Variants in ANK3 observed in about 807,000 individuals in gnomAD.
ANK3 encodes ankyrin 3, also known as ankyrin-3.
Under a neutral mutation model 370.9 loss-of-function variants are expected in ANK3, and 57 were observed. That is an observed-to-expected ratio of 0.15 (90% CI 0.12 to 0.19). The LOEUF (loss-of-function observed/expected upper bound fraction) is 0.19. Ranked by LOEUF, ANK3 falls within the 10% of genes least tolerant of loss-of-function variation. The pLI is 1.00. For missense variants in ANK3, 4,439 were observed against 5,302.1 expected (o/e 0.84, Z 5.06); for synonymous variants, 1,929 against 1,946.3 (o/e 0.99, Z 0.23).
intron 2 of ANK3, among the ~76,000 whole-genome samples, chr10:60,424,168 C>G (rs2063832247): frequency 6.6e-6 from 1 of 151,806 alleles, no homozygotes; most frequent in Admixed American, 6.6e-5. Context: ...TTAGGGTGAC[C>G]ACACATCCTG....
intron 2 of ANK3, among the ~76,000 whole-genome samples, chr10:60,475,424 C>T (rs1443058289): frequency 6.6e-6 from 1 of 152,088 alleles, no homozygotes; most frequent in Non-Finnish European, 1.5e-5. Context: ...TAAATTTTGG[C>T]TTCTGTTTGT....
At chr10:60,237,745 C>T (rs1046308249) in intron 7 of ANK3, among the ~76,000 whole-genome samples, 52 of 152,264 alleles carry the variant, frequency 3.4e-4, no homozygotes, top group African/African-American at 1.2e-3. Context: ...CTCCACCTCT[C>T]TGGCCCTTCC....
intron 4 of ANK3, among the ~76,000 whole-genome samples, chr10:60,277,190 G>T (rs74413857): frequency 0.048 from 7,348 of 152,166 alleles, 601 homozygotes; most frequent in African/African-American, 0.16. Context: ...TAGTAAGCAG[G>T]GGAGGAAGTC....
chr10:60,551,107 T>C (rs1426558322), intron 2 of ANK3, among the ~76,000 whole-genome samples: 1 of 152,136 alleles, frequency 6.6e-6, no homozygotes, highest in Non-Finnish European at 1.5e-5. Context: ...GTGCCTGGTT[T>C]GGATTTTTTG....
chr10:60,648,183 C>T (rs1359265687), intron 1 of ANK3, among the ~76,000 whole-genome samples: 1 of 111,726 alleles, frequency 9.0e-6, no homozygotes, highest in Non-Finnish European at 1.7e-5. Flanking sequence ...GATGGAGTCT[C>T]GCACTGTCTC....
In ANK3 at chr10:60,042,755, C is replaced by T. The variant is rs867217601; in HGVS notation, c.13070G>A (p.Gly4357Glu). The T allele has an allele frequency of 6.2e-7, 1 of 1,613,098 alleles. No individual in the cohort carries two copies. The highest frequency in any genetic ancestry group is 1.3e-5 in the African/African-American group (1 of 74,148). Reference sequence around the variant, plus strand: ...CTTCGTTTTCACCTTAAAACCTTCTCCCTGCTTTGAAAGGAGTGTACATAT... The same window carrying T: ...CTTCGTTTTCACCTTAAAACCTTCTTCCTGCTTTGAAAGGAGTGTACATAT... ...EGSSGSEQKQ[G>E]EGFKVKTKKE... is the part of the protein sequence containing the mutation. The change falls in exon 43 of 44, where the codon GGA becomes GAA. Residue 4357 changes from glycine to glutamate, a missense_variant. This residue lies in a region of ANK3 where 242 missense variants were observed against 228.0 expected (regional missense o/e 1.06). Transcript: ENST00000280772.
chr10:60,207,196 G>A (rs370082103), intron 10 of ANK3, among the ~76,000 whole-genome samples: 10 of 152,028 alleles, frequency 6.6e-5, no homozygotes, highest in Middle Eastern at 3.2e-3. Context: ...TTTCTCTTTC[G>A]TCATTCTTTC....
chr10:60,324,921 A>G (rs1210930064), intron 1 of ANK3, among the ~76,000 whole-genome samples: 1 of 152,190 alleles, frequency 6.6e-6, no homozygotes, highest in African/African-American at 2.4e-5. Flanking sequence ...CAGCCTCTAG[A>G]TTGAGGTGGA....
At chr10:60,056,140 G>A in intron 41 of ANK3, 104 bp from the exon 42 acceptor site, 1 of 1,333,888 alleles carries the variant, frequency 7.5e-7, no homozygotes, top group East Asian at 2.4e-5. Flanking sequence ...ACTTCTGAAG[G>A]CATAAAATAG....
intron 1 of ANK3, among the ~76,000 whole-genome samples, chr10:60,711,848 C>T (rs1272701169): frequency 6.6e-6 from 1 of 152,054 alleles, no homozygotes; most frequent in Non-Finnish European, 1.5e-5. Flanking sequence ...AACACCTTAC[C>T]TAAAAAGGAA....
At chr10:60,684,440 G>A (rs2079241283) in intron 1 of ANK3, 9 of 917,718 alleles carry the variant, frequency 9.8e-6, no homozygotes, top group South Asian at 3.3e-5. Flanking sequence ...GATCACCTAC[G>A]AAGAGAAGTC....
intron 2 of ANK3, among the ~76,000 whole-genome samples, chr10:60,418,882 A>T (rs1425037512): frequency 1.3e-5 from 2 of 152,158 alleles, no homozygotes; most frequent in African/African-American, 4.8e-5. Context: ...GTTTCATAAA[A>T]TTCTGTTTTC....
At chr10:60,453,371 T>C (rs2133043641) in intron 2 of ANK3, among the ~76,000 whole-genome samples, 1 of 152,334 alleles carries the variant, frequency 6.6e-6, no homozygotes, top group Non-Finnish European at 1.5e-5. Flanking sequence ...AAATCTGCTC[T>C]AACTCCTTCA....
intron 2 of ANK3, among the ~76,000 whole-genome samples, chr10:60,433,619 A>G (rs1007349808): frequency 6.6e-6 from 1 of 152,192 alleles, no homozygotes; most frequent in Non-Finnish European, 1.5e-5. Context: ...GAACGAAAGA[A>G]AAAGAAAAAA....
chr10:60,415,295 A>G (rs1480403760), intron 2 of ANK3, among the ~76,000 whole-genome samples: 1 of 152,152 alleles, frequency 6.6e-6, no homozygotes, highest in Non-Finnish European at 1.5e-5. Context: ...GAGGAAAATG[A>G]GCAGACCAGC....
chr10:60,580,785 A>G lies in ANK3; in HGVS notation c.96+34401T>C, dbSNP rs557923628. Among the ~76,000 whole-genome samples, 4 of 152,338 alleles carry G rather than the reference A, an allele frequency of 2.6e-5. No homozygotes were observed. In the South Asian group the frequency reaches 8.3e-4, roughly 32 times the overall value. On this transcript the variant is annotated intron_variant, in intron 2 of 43. Coordinates refer to the ANK3 transcript ENST00000373827. Reference sequence around the variant, plus strand: ...AAAATGTCCCCAAATAACTGAAAAGAACACCTTCGCAGGGAATCTGGTCTA... The same window carrying G: ...AAAATGTCCCCAAATAACTGAAAAGGACACCTTCGCAGGGAATCTGGTCTA...
At chr10:60,416,264 G>T (rs2063666716) in intron 2 of ANK3, among the ~76,000 whole-genome samples, 1 of 152,068 alleles carries the variant, frequency 6.6e-6, no homozygotes, top group South Asian at 2.1e-4. Context: ...AGCACAGATG[G>T]ATTGTTTCTA....
Position 60,069,376 on chromosome 10 carries a change from T to C in ANK3, c.11505A>G (p.Leu3835=), listed in dbSNP as rs78069744. ...GCTTATCTCTTACACAGTGTCCTTG[T>C]AGTACCCCTGTCTTTTTTCCTGATG... ...KVSSGKKTGV[L]QGHCVRDKQK... The change falls in exon 37 of 44, where the codon CTA becomes CTG. Residue 3835 remains leucine (L), a synonymous_variant. Coordinates refer to ENST00000280772, the MANE Select transcript of ANK3 (RefSeq NM_020987.5). The C allele has an allele frequency of 9.5e-4, 1,534 of 1,614,024 alleles. 8 individuals carry two copies. In the African/African-American group the frequency reaches 0.019, roughly 20 times the overall value.
rs376121750 is a variant in ANK3, at chr10:60,369,604, A to G, written c.114+19821T>C. Among the ~76,000 whole-genome samples, 38 of 152,314 alleles carry G rather than the reference A, an allele frequency of 2.5e-4. 2 individuals are homozygous for G. The highest frequency in any genetic ancestry group is 1.4e-3 in the Admixed American group (22 of 15,294). On this transcript the variant is annotated intron_variant, in intron 1 of 43. Transcript: ENST00000280772. ...AACAAGACACAATTATTCTTATTAT[A>G]AAAAGATTTCTTTACATTGGTAAAT...
Sources: gnomAD v4.1 joint callset for allele counts (sites outside exome capture counted in the v4.1 genomes callset) on GRCh38, gnomAD v4.1.1 for gene constraint, gnomAD v4.1.1 regional missense constraint, MANE v1.5 for transcripts, NCBI Gene and HGNC (gene_info 2026-07-23, HGNC 2026-07-21) for gene names.